The following GRIK2 variants were observed in gnomAD, a reference collection of about 807,000 sequenced individuals.
GRIK2 encodes glutamate receptor ionotropic, kainate 2.
A neutral mutation model predicts 100.3 loss-of-function variants in GRIK2; 32 were observed. The observed-to-expected ratio is 0.32, with a 90% CI of 0.24 to 0.43. The LOEUF (loss-of-function observed/expected upper bound fraction) is 0.43. GRIK2 is among the 20% of genes least tolerant of loss of function. The probability of loss-of-function intolerance (pLI) is 1.00; values close to 1 mark genes in which losing one functional copy is unlikely to be tolerated. For missense variants in GRIK2, 843 were observed against 1,114.9 expected, an observed-to-expected ratio of 0.76 and a Z score of 3.47; for synonymous variants, 417 against 389.4, an observed-to-expected ratio of 1.07 and a Z score of -0.83.
chr6:101,478,215 G>A (rs185073740), intron 2 of GRIK2, among the ~76,000 whole-genome samples: 6 of 152,000 alleles, frequency 3.9e-5, no homozygotes, highest in Non-Finnish European at 8.8e-5. Context: ...TTGAGTCCTT[G>A]AAAATTATTA....
intron 14 of GRIK2, among the ~76,000 whole-genome samples, chr6:101,930,745 T>C (rs1300911580): frequency 1.3e-5 from 2 of 152,116 alleles, no homozygotes; most frequent in Non-Finnish European, 2.9e-5. Context: ...TCGTTCTTTT[T>C]TTAATAGTTC....
intron 7 of GRIK2, among the ~76,000 whole-genome samples, chr6:101,789,062 T>G (rs1178388997): frequency 2.0e-5 from 3 of 152,196 alleles, no homozygotes; most frequent in Non-Finnish European, 4.4e-5. Flanking sequence ...GGGTTGTTTT[T>G]TTCTTGTCAA....
chr6:101,489,288 C>T (rs2128265877), intron 2 of GRIK2, among the ~76,000 whole-genome samples: 1 of 146,080 alleles, frequency 6.8e-6, no homozygotes, highest in South Asian at 2.2e-4. Flanking sequence ...GCTAGAGAAA[C>T]TTGAAAAGTG....
At chr6:101,783,579 C>T (rs1779240189) in intron 7 of GRIK2, among the ~76,000 whole-genome samples, 1 of 152,090 alleles carries the variant, frequency 6.6e-6, no homozygotes, top group African/African-American at 2.4e-5. Context: ...AACTGGGTAA[C>T]AGGCAAAGGT....
At chr6:101,630,815 T>C (rs4112793) in intron 4 of GRIK2, among the ~76,000 whole-genome samples, 9,625 of 152,096 alleles carry the variant, frequency 0.063, 415 homozygotes, top group African/African-American at 0.1. Context: ...GATGGACTTA[T>C]GTATCTGCTT....
intron 14 of GRIK2, among the ~76,000 whole-genome samples, chr6:101,978,202 A>G (rs568306996): frequency 1.6e-4 from 24 of 151,930 alleles, no homozygotes; most frequent in Non-Finnish European, 3.1e-4. Context: ...TTGATGGGTT[A>G]AAAGTCTGTA....
At chr6:101,618,192 A>G (rs72954233) in intron 2 of GRIK2, among the ~76,000 whole-genome samples, 4 of 151,706 alleles carry the variant, frequency 2.6e-5, no homozygotes, top group East Asian at 3.9e-4. Flanking sequence ...AATAATTTCT[A>G]TATAATTATC....
At chr6:101,582,068 T>G (rs1370739703) in intron 2 of GRIK2, among the ~76,000 whole-genome samples, 4 of 152,070 alleles carry the variant, frequency 2.6e-5, no homozygotes, top group Admixed American at 2.6e-4. Context: ...TTCATTGTTT[T>G]TATTTTTATT....
chr6:101,616,354 A>C (rs1463902932), intron 2 of GRIK2, among the ~76,000 whole-genome samples: 2 of 151,830 alleles, frequency 1.3e-5, no homozygotes, highest in African/African-American at 2.4e-5. Context: ...TATACAAATA[A>C]ATAAAAAATC....
intron 14 of GRIK2, among the ~76,000 whole-genome samples, chr6:102,022,078 T>C (rs950158103): frequency 2.7e-5 from 4 of 150,764 alleles, no homozygotes; most frequent in Admixed American, 6.7e-5. Context: ...AGCATAGTTC[T>C]CTTGGTTCCT....
intron 2 of GRIK2, among the ~76,000 whole-genome samples, chr6:101,548,606 G>C (rs1776362512): frequency 6.6e-6 from 1 of 152,102 alleles, no homozygotes; most frequent in Non-Finnish European, 1.5e-5. Context: ...GTTTTTGTCA[G>C]GTTTGCCAAA....
intron 11 of GRIK2, chr6:101,860,861 G>A: frequency 3.8e-6 from 2 of 524,622 alleles, no homozygotes; most frequent in Non-Finnish European, 4.9e-6. Flanking sequence ...GTTGTTTTAG[G>A]GGCTTTGGAT....
At chr6:101,506,345 T>C (rs975398709) in intron 2 of GRIK2, among the ~76,000 whole-genome samples, 8 of 152,222 alleles carry the variant, frequency 5.3e-5, no homozygotes, top group Admixed American at 2.0e-4. Context: ...CAAAAATCCA[T>C]ATCCTCCTCA....
chr6:101,998,076 T>G (rs7745267), intron 14 of GRIK2, among the ~76,000 whole-genome samples: 56,986 of 151,910 alleles, frequency 0.38, 11,259 homozygotes, highest in South Asian at 0.48. Context: ...AAAGCTTCCT[T>G]GTATCCCTTG....
Position 101,818,173 on chromosome 6 carries a change from G to T in GRIK2, c.1204-197G>T, listed in dbSNP as rs543553148. On this transcript the variant is annotated intron_variant, in intron 9 of 16. Coordinates refer to ENST00000369134, the MANE Select transcript of GRIK2 (RefSeq NM_021956.5). Reference sequence around the variant, plus strand: ...CTGGAGAAGTTCAGTGGATCGTTTTGTTCTTTAATGTTACACTTCACTGAA... The same window carrying T: ...CTGGAGAAGTTCAGTGGATCGTTTTTTTCTTTAATGTTACACTTCACTGAA... Among the ~76,000 whole-genome samples, 128 of 152,264 alleles carry T rather than the reference G, an allele frequency of 8.4e-4. 1 individual carries two copies. Among genetic ancestry groups the T allele is most frequent in the African/African-American group, 2.9e-3 (119 of 41,550 alleles).
intron 15 of GRIK2, among the ~76,000 whole-genome samples, chr6:102,044,417 T>C (rs1770767578): frequency 6.6e-6 from 1 of 152,020 alleles, no homozygotes; most frequent in Non-Finnish European, 1.5e-5. Flanking sequence ...CAAGACGGGA[T>C]AAAAAGAGGT....
intron 16 of GRIK2, chr6:102,063,946 A>T: frequency 7.9e-7 from 1 of 1,261,842 alleles, no homozygotes; most frequent in Non-Finnish European, 1.2e-6. Context: ...TCAAAGATTT[A>T]AATTTTCATT....
chr6:101,404,491 A>G (rs558266138), intron 2 of GRIK2, among the ~76,000 whole-genome samples: 1 of 152,348 alleles, frequency 6.6e-6, no homozygotes, highest in East Asian at 1.9e-4. Flanking sequence ...TCCTTCAGTT[A>G]TTAAGATTTG....
At chr6:101,861,100 A>G (rs1784709658) in intron 11 of GRIK2, among the ~76,000 whole-genome samples, 1 of 152,160 alleles carries the variant, frequency 6.6e-6, no homozygotes, top group Non-Finnish European at 1.5e-5. Context: ...ACACTGCCTT[A>G]AACACTTTGA....
Sources: gnomAD v4.1 joint callset for allele counts (sites outside exome capture counted in the v4.1 genomes callset) on GRCh38, gnomAD v4.1.1 for gene constraint, MANE v1.5 for transcripts, NCBI Gene and HGNC (gene_info 2026-07-23, HGNC 2026-07-21) for gene names.